The following RAB3C variants were observed in gnomAD, a reference collection of about 807,000 sequenced individuals.
The protein encoded by RAB3C is ras-related protein Rab-3C.
In RAB3C, 17 loss-of-function variants were observed where a neutral mutation model predicts 26.4. That is an observed-to-expected ratio of 0.64 (90% CI 0.44 to 0.97). The LOEUF is 0.97. Among genes scored for constraint, RAB3C ranks in the 50% least tolerant of loss-of-function variants. The pLI, the probability that RAB3C is intolerant of heterozygous loss-of-function variation, is 0.00. For synonymous variants in RAB3C, 91 were observed against 95.9 expected, an observed-to-expected ratio of 0.95 and a Z score of 0.30; for missense variants, 242 against 281.9, an observed-to-expected ratio of 0.86 and a Z score of 1.01.
At chr5:58,715,459 A>C (rs971413777) in intron 2 of RAB3C, among the ~76,000 whole-genome samples, 2 of 146,130 alleles carry the variant, frequency 1.4e-5, no homozygotes, top group Non-Finnish European at 2.9e-5. Context: ...TAATGAAGGA[A>C]GAAGAAGAAG....
chr5:58,760,985 T>C (rs1397649306), intron 3 of RAB3C, among the ~76,000 whole-genome samples: 1 of 151,990 alleles, frequency 6.6e-6, no homozygotes, highest in African/African-American at 2.4e-5. Flanking sequence ...ATTTGTGCAT[T>C]TTAAATGCAG....
chr5:58,799,735 T>A (rs1878198), intron 3 of RAB3C, among the ~76,000 whole-genome samples: 79,292 of 151,952 alleles, frequency 0.52, 21,558 homozygotes, highest in Middle Eastern at 0.66. Context: ...TCCATGTCAA[T>A]CATTAAGGCC....
chr5:58,618,649 T>C lies in RAB3C; in HGVS notation c.252+779T>C, dbSNP rs1746873901. On this transcript the variant is annotated intron_variant, in intron 2 of 4. Coordinates refer to ENST00000282878, the MANE Select transcript of RAB3C (RefSeq NM_138453.4). ...TGTGGATAGCAGGTCCAAGGCAATA[T>C]AAAAGATGGAGCAGCCAATTTAAAA... 2.6e-5 allele frequency among the ~76,000 whole-genome samples: 4 copies of C among 152,142 alleles called. No individual in the cohort carries two copies. The South Asian group carries it at 8.3e-4, about 32-fold the overall frequency.
chr5:58,601,877 T>C (rs1379765256), intron 1 of RAB3C, among the ~76,000 whole-genome samples: 1 of 152,164 alleles, frequency 6.6e-6, no homozygotes, highest in African/African-American at 2.4e-5. Flanking sequence ...TCTTGGTTAT[T>C]TCCTTCCTTA....
At position 58,751,156 on chromosome 5, in the gene RAB3C, G is replaced by A. The variant is rs150962198; in HGVS notation, c.371+25036G>A. 1.2e-4 allele frequency among the ~76,000 whole-genome samples: 18 copies of A among 152,134 alleles called. No individual in the cohort carries two copies. In the East Asian group the frequency reaches 2.7e-3, roughly 23 times the overall value. On this transcript the variant is annotated intron_variant, in intron 3 of 4. Coordinates refer to ENST00000282878, the MANE Select transcript of RAB3C (RefSeq NM_138453.4). ...GGCATGAGCCACCGTGCCCGGACCC[G>A]TCATATATTATTCTTGACCATTTAC...
intron 2 of RAB3C, among the ~76,000 whole-genome samples, chr5:58,625,714 G>A (rs569993177): frequency 5.9e-5 from 9 of 152,102 alleles, no homozygotes; most frequent in Admixed American, 2.0e-4. Flanking sequence ...AAAATTAGCC[G>A]GGTGTTGTGG....
At chr5:58,692,101 G>A (rs1748581718) in intron 2 of RAB3C, among the ~76,000 whole-genome samples, 3 of 152,106 alleles carry the variant, frequency 2.0e-5, no homozygotes, top group African/African-American at 7.2e-5. Context: ...GCTCCAAATG[G>A]TTGGACACTT....
intron 2 of RAB3C, among the ~76,000 whole-genome samples, chr5:58,632,211 T>G (rs1299255419): frequency 6.6e-6 from 1 of 152,118 alleles, no homozygotes; most frequent in Non-Finnish European, 1.5e-5. Context: ...GGTGAACAGT[T>G]TTTTACGCTG....
intron 3 of RAB3C, among the ~76,000 whole-genome samples, chr5:58,737,435 AT>A (rs1561305212): frequency 0.094 from 8,762 of 93,076 alleles, 995 homozygotes; most frequent in Admixed American, 0.13. Context: ...ATATATATAT[AT>A]ATATATATAT....
In RAB3C at chr5:58,765,846, G is replaced by A. The variant is rs567172558; in HGVS notation, c.371+39726G>A. 3.9e-5 allele frequency among the ~76,000 whole-genome samples: 6 copies of A among 152,256 alleles called. No homozygotes were observed. In the East Asian group the frequency reaches 1.2e-3, roughly 29 times the overall value. On this transcript the variant is annotated intron_variant, in intron 3 of 4. Transcript: ENST00000282878. ...AGTTACAGGAGGGGCCTGGTGGGAG[G>A]TGATTGGATCATGGGGGCAGATTTC... is the stretch of plus-strand genomic sequence containing the variant.
intron 3 of RAB3C, chr5:58,822,635 A>G (rs185597246): frequency 6.9e-5 from 23 of 333,134 alleles, no homozygotes; most frequent in African/African-American, 4.9e-4. Context: ...AATAAATACA[A>G]CACACTCAAA....
rs1053230075 is a variant in RAB3C at position 58,857,866 on chromosome 5, T to A, written c.*6515T>A. ...AGATGCAAAATCAAGAACTGAAGCC[T>A]AGTTGCTAGATAACGAAAAGCTATA... On this transcript the variant is annotated 3_prime_UTR_variant, in exon 5 of 5. Transcript: ENST00000282878. 5 of 152,184 alleles carry A rather than the reference T, an allele frequency of 3.3e-5. No homozygotes were observed. The highest frequency in any genetic ancestry group is 7.4e-5 in the Non-Finnish European group (5 of 68,016). 9.4% of individuals were successfully genotyped at this position (152,184 alleles called of 1,614,324 possible). A position where few individuals can be genotyped will look rare whatever the true frequency, so the allele number is the denominator to read the frequency against.
intron 2 of RAB3C, among the ~76,000 whole-genome samples, chr5:58,673,318 C>A (rs1240404700): frequency 6.6e-6 from 1 of 152,090 alleles, no homozygotes; most frequent in African/African-American, 2.4e-5. Context: ...AAAAGTCCAA[C>A]CTGATCCAAA....
At chr5:58,658,516 A>G (rs73098393) in intron 2 of RAB3C, among the ~76,000 whole-genome samples, 5,544 of 152,326 alleles carry the variant, frequency 0.036, 333 homozygotes, top group African/African-American at 0.13. Flanking sequence ...ACTGGAAATT[A>G]TGCCATGGTT....
At chr5:58,654,187 A>AT (rs1747715085) in intron 2 of RAB3C, among the ~76,000 whole-genome samples, 1 of 152,192 alleles carries the variant, frequency 6.6e-6, no homozygotes, top group Non-Finnish European at 1.5e-5. Context: ...AAGCATTCTT[A>AT]GGTCCACTAC....
chr5:58,801,684 A>G (rs1317406298), intron 3 of RAB3C, among the ~76,000 whole-genome samples: 1 of 152,266 alleles, frequency 6.6e-6, no homozygotes, highest in Non-Finnish European at 1.5e-5. Context: ...TGGAGATGTA[A>G]CAAAGCCAAC....
chr5:58,716,336 C>T lies in RAB3C; in HGVS notation c.253-9666C>T, dbSNP rs570332266. Among the ~76,000 whole-genome samples the T allele has an allele frequency of 3.3e-5, 5 of 151,900 alleles. No homozygotes were observed. In the South Asian group the frequency reaches 6.2e-4, roughly 19 times the overall value. On this transcript the variant is annotated intron_variant, in intron 2 of 4. Transcript: ENST00000282878. ...ACATACATGAACAAAGGTTCAAAAG[C>T]GAGATGATAACATCAAACAGAAAGC... is the stretch of plus-strand genomic sequence containing the variant.
Position 58,853,511 on chromosome 5 carries a change from T to G in RAB3C, c.*2160T>G, listed in dbSNP as rs1045070330. On this transcript the variant is annotated 3_prime_UTR_variant, in exon 5 of 5. Transcript: ENST00000282878. ...TAAAATGAAAAGCAAAATGAGACAG[T>G]ATTTAAAAGTGAAAGAGCAGAGTTT... 2 of 152,138 alleles carry G rather than the reference T, an allele frequency of 1.3e-5. No homozygotes were observed. Among genetic ancestry groups the G allele is most frequent in the South Asian group, 4.1e-4 (2 of 4,826 alleles). The allele number at this position is 152,138 out of a possible 1,614,324, so 9.4% of individuals were successfully genotyped here. A position where few individuals can be genotyped will look rare whatever the true frequency, so the allele number is the denominator to read the frequency against.
chr5:58,851,089 G>A lies in RAB3C; in HGVS notation c.497-75G>A, dbSNP rs148186835. The A allele has an allele frequency of 1.1e-5, 16 of 1,418,724 alleles. No homozygotes were observed. In the African/African-American group the frequency reaches 2.1e-4, roughly 19 times the overall value. 87.9% of individuals were successfully genotyped at this position (1,418,724 alleles called of 1,614,324 possible). ...GTCTCACCATCACCTCATCACTATT[G>A]AAAGCCATAATCAAGTCCCATTTAA... On this transcript the variant is annotated intron_variant, in intron 4 of 4. Transcript: ENST00000282878.
Sources: allele counts gnomAD v4.1 joint callset (sites outside exome capture counted in the v4.1 genomes callset), GRCh38; gene constraint gnomAD v4.1.1; transcripts MANE v1.5; gene names NCBI Gene and HGNC (gene_info 2026-07-23, HGNC 2026-07-21).